Variants in LAMA4 observed in about 807,000 individuals in gnomAD.
LAMA4 encodes laminin subunit alpha 4.
In LAMA4, 127 loss-of-function variants were observed where a neutral mutation model predicts 207.1. The observed-to-expected ratio is 0.61, with a 90% CI of 0.53 to 0.71. LAMA4 has a LOEUF of 0.71. LAMA4 is among the 30% of genes least tolerant of loss of function. LAMA4 has a pLI of 0.00. For missense variants in LAMA4, 2,093 were observed against 2,246.5 expected (o/e 0.93, Z 1.38); for synonymous variants, 761 against 816.0 (o/e 0.93, Z 1.15).
At chr6:112,111,294 T>G (rs190664068) in intron 38 of LAMA4, among the ~76,000 whole-genome samples, 1 of 152,306 alleles carries the variant, frequency 6.6e-6, no homozygotes, top group African/African-American at 2.4e-5. Context: ...TCCACCCACC[T>G]TGGCCTCCCA....
At chr6:112,175,525 C>T (rs782036207) in intron 10 of LAMA4, 45 bp from the exon 11 acceptor site, 24 of 1,602,842 alleles carry the variant, frequency 1.5e-5, no homozygotes, top group Non-Finnish European at 2.0e-5. Flanking sequence ...GGAGAGATGA[C>T]CAGGCACTAG....
chr6:112,164,504 C>T (rs993830572), intron 13 of LAMA4, among the ~76,000 whole-genome samples: 2 of 152,046 alleles, frequency 1.3e-5, no homozygotes, highest in Non-Finnish European at 2.9e-5. Flanking sequence ...GTCAGAGAGT[C>T]GGTGACTTCA....
chr6:112,147,406 C>A (rs1277690529), intron 18 of LAMA4, among the ~76,000 whole-genome samples: 3 of 152,034 alleles, frequency 2.0e-5, no homozygotes, highest in African/African-American at 7.2e-5. Flanking sequence ...GGATTTATGA[C>A]CTTTCTTAAT....
At position 112,129,056 on chromosome 6, in the gene LAMA4, C is replaced by T. The variant is rs1350207876; in HGVS notation, c.4153G>A (p.Val1385Ile). 1.9e-6 allele frequency: 3 copies of T among 1,612,264 alleles called. No individual in the cohort carries two copies. The highest frequency in any genetic ancestry group is 2.5e-6 in the Non-Finnish European group (3 of 1,178,496). The change falls in exon 31 of 39, where the codon GTT becomes ATT. Residue 1385 changes from valine (V) to isoleucine (I), a missense_variant. By Grantham distance (29) the Val-to-Ile change is conservative. Transcript: ENST00000230538. ...TCAGTATACCGTTGGAAATCTTCAA[C>T]CTCCACATCTCTATCCACCCTGTGT... The part of the protein sequence containing the change: ...YFTRVDRDVE[V>I]EDFQRYTEKV...
rs781800726 is a variant in LAMA4 at position 112,141,499 on chromosome 6, T to A, written c.2672A>T (p.Lys891Ile). 6.2e-7 allele frequency: 1 copy of A among 1,601,282 alleles called. No homozygotes were observed. Among genetic ancestry groups the A allele is most frequent in the African/African-American group, 1.3e-5 (1 of 74,804 alleles). The change falls in exon 21 of 39, where the codon AAA becomes ATA. Residue 891 changes from lysine (K) to isoleucine (I), a missense_variant. Lys to Ile is a moderately radical substitution (Grantham distance 102). This residue lies in a region of LAMA4 where 1,704 missense variants were observed against 1,788.4 expected (regional missense o/e 0.95). Coordinates refer to ENST00000230538, the MANE Select transcript of LAMA4 (RefSeq NM_001105206.3). The part of the protein sequence containing the change: ...FILYLGSKNA[K>I]KEYMGLAIKN... ...GATTGCAAGACCCATATACTCTTTT[T>A]TGGCCTGAAATATCAAGAAGTAAGA... is the stretch of plus-strand genomic sequence containing the variant.
intron 13 of LAMA4, chr6:112,164,302 A>G (rs1781261896): frequency 6.6e-6 from 1 of 152,654 alleles, no homozygotes; most frequent in Non-Finnish European, 1.5e-5. Flanking sequence ...CCATGTGGCC[A>G]GAGAATTACT....
rs782796474 is a variant in LAMA4, at chr6:112,172,743, G to A, written c.1419C>T (p.Val473=). Residue 473 remains valine (V), a synonymous_variant, in exon 12 of 39, where the codon GTC becomes GTT. Transcript: ENST00000230538. ...LHNETRTLFP[V]VLEQLDDYNA... The stretch of plus-strand genomic sequence containing the variant: ...TGTAGTCATCCAGCTGCTCCAGGAC[G>A]ACAGGAAACAGAGTGCGGGTCTCAT... 1.9e-5 allele frequency: 31 copies of A among 1,613,908 alleles called. No individual in the cohort carries two copies. Among genetic ancestry groups the A allele is most frequent in the Admixed American group, 1.2e-4 (7 of 59,992 alleles).
chr6:112,139,816 T>G lies in LAMA4; in HGVS notation c.3046A>C (p.Ile1016Leu), dbSNP rs371942674. The G allele has an allele frequency of 1.9e-6, 3 of 1,613,900 alleles. No individual in the cohort carries two copies. Among genetic ancestry groups the G allele is most frequent in the African/African-American group, 2.7e-5 (2 of 74,908 alleles). Residue 1016 changes from isoleucine to leucine, a missense_variant, in exon 23 of 39, where the codon ATC (isoleucine) becomes CTC (leucine). By Grantham distance (5) the Ile-to-Leu change is conservative. Coordinates refer to ENST00000230538, the MANE Select transcript of LAMA4 (RefSeq NM_001105206.3). ...LELATLNNDV[I>L]SLYNFKHIYN... ...ATGTGCTTAAAGTTGTACAAGCTGA[T>G]CACATCATTATTCAAAGTGGCCAGT...
In LAMA4 at chr6:112,133,516, C is replaced by G. The variant is rs782042951; in HGVS notation, c.3558-29G>C. 6 of 1,612,986 alleles carry G rather than the reference C, an allele frequency of 3.7e-6. No individual in the cohort carries two copies. The Admixed American group carries it at 1.0e-4, about 27-fold the overall frequency. ...GAAAAGAAAGTCAGCCTCACTGATA[C>G]AGCCATGATGATGATGTTACCCTGC... is the stretch of plus-strand genomic sequence containing the variant. On this transcript the variant is annotated intron_variant, in intron 26 of 38. Coordinates refer to ENST00000230538, the MANE Select transcript of LAMA4 (RefSeq NM_001105206.3).
At chr6:112,180,425 T>C (rs964707246) in intron 9 of LAMA4, among the ~76,000 whole-genome samples, 2 of 152,232 alleles carry the variant, frequency 1.3e-5, no homozygotes, top group Admixed American at 6.5e-5. Flanking sequence ...TGATGGCTTA[T>C]ATGAATGTTT....
intron 12 of LAMA4, among the ~76,000 whole-genome samples, chr6:112,171,416 G>A (rs145589674): frequency 3.9e-5 from 6 of 152,192 alleles, no homozygotes; most frequent in East Asian, 1.9e-4. Flanking sequence ...TTGGAAGGAC[G>A]CAAGAATGGA....
At position 112,139,178 on chromosome 6, in the gene LAMA4, A is replaced by G; in HGVS notation, c.3224T>C (p.Phe1075Ser). 6.2e-7 allele frequency: 1 copy of G among 1,614,168 alleles called. No homozygotes were observed. ...AGCTGGTGTTCGAACTTCTATGTCAAAGCGAGTCACCTGACCAAATTTCCC... is the reference window on the plus strand; with the variant it reads ...AGCTGGTGTTCGAACTTCTATGTCAGAGCGAGTCACCTGACCAAATTTCCC... ...RRGKFGQVTR[F>S]DIEVRTPADN... Residue 1075 changes from phenylalanine to serine, a missense_variant, in exon 24 of 39, where the codon TTT becomes TCT. Around this residue, in one of 3 missense-constraint regions of LAMA4, gnomAD observed 1,704 missense variants for 1,788.4 expected, o/e 0.95. Transcript: ENST00000230538.
chr6:112,187,342 T>C, intron 8 of LAMA4, 108 bp downstream of exon 8: 1 of 1,259,262 alleles, frequency 7.9e-7, no homozygotes, highest in Non-Finnish European at 1.2e-6. Context: ...TAACAACCTG[T>C]AATACAGGTA....
At chr6:112,168,244 A>T (rs11963846) in intron 12 of LAMA4, among the ~76,000 whole-genome samples, 63,665 of 150,864 alleles carry the variant, frequency 0.42, 15,250 homozygotes, top group Middle Eastern at 0.64. Flanking sequence ...ACATAGAAGA[A>T]TATATGCTTA....
chr6:112,201,672 A>ACT lies in LAMA4; in HGVS notation c.438_439insAG (p.Tyr147SerfsTer52). 6.2e-7 allele frequency: 1 copy of ACT among 1,613,920 alleles called. No homozygotes were observed. The highest frequency in any genetic ancestry group is 8.5e-7 in the Non-Finnish European group (1 of 1,179,826). ...CACCGAACAGCTCCATTTTTCCTATAGCAGGATTCTGCAAAACTAAAATTG... is the reference window on the plus strand; with the variant it reads ...CACCGAACAGCTCCATTTTTCCTATACTGCAGGATTCTGCAAAACTAAAATTG... On this transcript the variant is annotated frameshift_variant, in exon 5 of 39. Coordinates refer to ENST00000230538, the MANE Select transcript of LAMA4 (RefSeq NM_001105206.3). LOFTEE classifies it high-confidence loss of function.
At chr6:112,129,414 T>C (rs1554328841) in intron 30 of LAMA4, among the ~76,000 whole-genome samples, 1 of 152,172 alleles carries the variant, frequency 6.6e-6, no homozygotes, top group Non-Finnish European at 1.5e-5. Flanking sequence ...GAACCCCTAT[T>C]GTCTTTGTTA....
chr6:112,188,310 C>A (rs1782811892), intron 7 of LAMA4, among the ~76,000 whole-genome samples: 1 of 152,182 alleles, frequency 6.6e-6, no homozygotes, highest in African/African-American at 2.4e-5. Flanking sequence ...TGATTCCCAG[C>A]CAGTACTTCA....
At chr6:112,210,459 T>C (rs2282854) in intron 3 of LAMA4, among the ~76,000 whole-genome samples, 9,378 of 152,248 alleles carry the variant, frequency 0.062, 340 homozygotes, top group East Asian at 0.15. Flanking sequence ...AGTGTTGGGA[T>C]TGCCATTTGG....
chr6:112,130,864 A>G, intron 29 of LAMA4, 104 bp downstream of exon 29: 1 of 1,254,452 alleles, frequency 8.0e-7, no homozygotes, highest in Non-Finnish European at 1.2e-6. Flanking sequence ...TTTTGTTTTA[A>G]CATTAGAAAA....
Sources: gnomAD v4.1 joint callset for allele counts (sites outside exome capture counted in the v4.1 genomes callset) on GRCh38, gnomAD v4.1.1 for gene constraint, gnomAD v4.1.1 regional missense constraint, MANE v1.5 for transcripts, NCBI Gene and HGNC (gene_info 2026-07-23, HGNC 2026-07-21) for gene names.